The following LMX1B variants were observed in gnomAD, a reference collection of about 807,000 sequenced individuals.
The protein encoded by LMX1B is LIM homeobox transcription factor 1 beta.
LMX1B carries 12 observed loss-of-function variants against 51.4 expected under a neutral mutation model. That is an observed-to-expected ratio of 0.23 (90% CI 0.15 to 0.38). LMX1B has a LOEUF of 0.38. Among genes scored for constraint, LMX1B ranks in the 10% least tolerant of loss-of-function variants. The pLI is 1.00. For synonymous variants in LMX1B, 237 were observed against 235.4 expected (o/e 1.01, Z -0.06); for missense variants, 445 against 571.1 (o/e 0.78, Z 2.25).
Position 126,658,091 on chromosome 9 carries a change from T to G in LMX1B, c.327-32745T>G. On this transcript the variant is annotated intron_variant, in intron 2 of 7. Coordinates refer to ENST00000373474, the MANE Select transcript of LMX1B (RefSeq NM_001174147.2). This position sits in a 1 kb window ranked among gnomAD's most constrained non-coding sequence, Gnocchi z 4.0. ...TAGAAGAGGGGCCAAGGGACCTGAG[T>G]GGGAACAACCAAGCCGGAGACTCCT... Among the ~76,000 whole-genome samples the G allele has an allele frequency of 1.3e-5, 2 of 150,514 alleles. No individual in the cohort carries two copies. Among genetic ancestry groups the G allele is most frequent in the Non-Finnish European group, 3.0e-5 (2 of 67,650 alleles).
intron 2 of LMX1B, among the ~76,000 whole-genome samples, chr9:126,652,299 G>A (rs534550900): frequency 2.0e-5 from 3 of 150,718 alleles, no homozygotes; most frequent in East Asian, 2.0e-4. Context: ...GAGGAGAAGG[G>A]GGGGGGGATT....
intron 2 of LMX1B, among the ~76,000 whole-genome samples, chr9:126,636,594 A>G (rs1410504185): frequency 6.6e-6 from 1 of 151,920 alleles, no homozygotes; most frequent in African/African-American, 2.4e-5. Context: ...GGGCCAGAAA[A>G]GAGAGTGGAT....
At chr9:126,643,949 G>T (rs1835853593) in intron 2 of LMX1B, among the ~76,000 whole-genome samples, 1 of 152,228 alleles carries the variant, frequency 6.6e-6, no homozygotes. Context: ...TCGGGGTCAA[G>T]TGACTTGCCA....
rs929439946 is a variant in LMX1B, at chr9:126,625,735, C to A, written c.326+10166C>A. Reference sequence around the variant, plus strand: ...GCCGCCGCCGCCACCCTCGTCCCACCGTTTGCAGGGCTTTCCTGCGGCGCT... The same window carrying A: ...GCCGCCGCCGCCACCCTCGTCCCACAGTTTGCAGGGCTTTCCTGCGGCGCT... On this transcript the variant is annotated intron_variant, in intron 2 of 7. Coordinates refer to ENST00000373474, the MANE Select transcript of LMX1B (RefSeq NM_001174147.2). This position sits in a 1 kb window ranked among gnomAD's most constrained non-coding sequence, Gnocchi z 5.3. Among the ~76,000 whole-genome samples the A allele has an allele frequency of 2.6e-5, 4 of 152,230 alleles. No homozygotes were observed. Among genetic ancestry groups the A allele is most frequent in the African/African-American group, 9.6e-5 (4 of 41,468 alleles).
intron 2 of LMX1B, among the ~76,000 whole-genome samples, chr9:126,667,372 C>A (rs753733810): frequency 7.9e-5 from 12 of 152,250 alleles, no homozygotes; most frequent in Non-Finnish European, 1.0e-4. Context: ...ACCCATTTCC[C>A]TACTGACAGC....
chr9:126,678,728 A>G (rs1185673941), intron 2 of LMX1B, among the ~76,000 whole-genome samples: 3 of 152,232 alleles, frequency 2.0e-5, no homozygotes, highest in Non-Finnish European at 2.9e-5. Flanking sequence ...GCAGGATCCA[A>G]TACAGGCAAA....
rs942164729 is a variant in LMX1B at position 126,677,001 on chromosome 9, G to A, written c.327-13835G>A. Among the ~76,000 whole-genome samples the A allele has an allele frequency of 3.9e-5, 6 of 152,228 alleles. No individual in the cohort carries two copies. Among genetic ancestry groups the A allele is most frequent in the East Asian group, 1.9e-4 (1 of 5,200 alleles). ...AGGCCATTACTATGCTAATGCGGCC[G>A]GGCGGGCGGTGATTAAGCGGCTCAG... On this transcript the variant is annotated intron_variant, in intron 2 of 7. Transcript: ENST00000373474. This position sits in a 1 kb window ranked among gnomAD's most constrained non-coding sequence, Gnocchi z 5.0.
Position 126,696,381 on chromosome 9 carries a change from C to T in LMX1B, c.1139C>T (p.Ser380Phe). 6.2e-7 allele frequency: 1 copy of T among 1,614,108 alleles called. No individual in the cohort carries two copies. Among genetic ancestry groups the T allele is most frequent in the Non-Finnish European group, 8.5e-7 (1 of 1,179,980 alleles). Residue 380 changes from serine to phenylalanine, a missense_variant, in exon 8 of 8, where the codon TCC becomes TTC. This residue lies in a region of LMX1B where 162 missense variants were observed against 187.8 expected (regional missense o/e 0.86). Coordinates refer to ENST00000373474, the MANE Select transcript of LMX1B (RefSeq NM_001174147.2). The stretch of plus-strand genomic sequence containing the variant: ...TTCCTCGGCTCCTCAGACGTGGGCT[C>T]CCTGCAGGCCCGCGTGGGGAACCCC... ...DCFLGSSDVG[S>F]LQARVGNPID...
Position 126,696,330 on chromosome 9 carries a change from C to T in LMX1B, c.1088C>T (p.Thr363Ile). 5 of 1,614,114 alleles carry T rather than the reference C, an allele frequency of 3.1e-6. No individual in the cohort carries two copies. The highest frequency in any genetic ancestry group is 1.1e-5 in the South Asian group (1 of 91,088). The change falls in exon 8 of 8, where the codon ACC becomes ATC. Residue 363 changes from threonine (T) to isoleucine (I), a missense_variant. Coordinates refer to ENST00000373474, the MANE Select transcript of LMX1B (RefSeq NM_001174147.2). ...DSIFHDIDSD[T>I]SLTSLSDCFL... The stretch of plus-strand genomic sequence containing the variant: ...ATCTTCCATGACATCGACAGCGATA[C>T]CTCCTTAACCAGCCTCAGCGACTGC...
In LMX1B at chr9:126,625,393, G is replaced by T. The variant is rs967191161; in HGVS notation, c.326+9824G>T. Among the ~76,000 whole-genome samples, 3 of 152,208 alleles carry T rather than the reference G, an allele frequency of 2.0e-5. No individual in the cohort carries two copies. Among genetic ancestry groups the T allele is most frequent in the Non-Finnish European group, 4.4e-5 (3 of 68,032 alleles). The stretch of plus-strand genomic sequence containing the variant: ...TGGGATGTGTTTGCCTCCTCTGACC[G>T]AGAGCACGGGTCCTGCTCTGTCCCC... On this transcript the variant is annotated intron_variant, in intron 2 of 7. Transcript: ENST00000373474. This position sits in a 1 kb window ranked among gnomAD's most constrained non-coding sequence, Gnocchi z 5.3.
chr9:126,614,333 C>G lies in LMX1B; in HGVS notation c.-117C>G, dbSNP rs1233921434. 5.9e-6 allele frequency: 4 copies of G among 680,778 alleles called. No homozygotes were observed. Among genetic ancestry groups the G allele is most frequent in the African/African-American group, 2.0e-5 (1 of 50,718 alleles). 42.2% of individuals were successfully genotyped at this position (680,778 alleles called of 1,614,324 possible). On this transcript the variant is annotated 5_prime_UTR_variant, in exon 1 of 8. Coordinates refer to ENST00000373474, the MANE Select transcript of LMX1B (RefSeq NM_001174147.2). ...CACGATCGCCGGGGGCCGGCGCAAC[C>G]CCTGCCCTGCGGGGGCCGCGCCTCC...
chr9:126,627,324 C>G (rs1835553850), intron 2 of LMX1B, among the ~76,000 whole-genome samples: 1 of 152,138 alleles, frequency 6.6e-6, no homozygotes, highest in Non-Finnish European at 1.5e-5. Context: ...TGCCCTCAGC[C>G]TGCTTGCTTC....
chr9:126,693,793 C>A lies in LMX1B; in HGVS notation c.867C>A (p.Asn289Lys). The stretch of plus-strand genomic sequence containing the variant: ...ACCAGCAGCAGCAGGAGCAGCAGAA[C>A]TCCCAGCGGCTGGGCCAGGGTGAGC... ...RRHQQQQEQQNSQRLGQEVLS... is the reference protein window; with the variant it reads ...RRHQQQQEQQKSQRLGQEVLS... The change falls in exon 6 of 8, where the codon AAC (asparagine) becomes AAA (lysine). Residue 289 changes from asparagine to lysine, a missense_variant. Around this residue, in one of 3 missense-constraint regions of LMX1B, gnomAD observed 162 missense variants for 187.8 expected, o/e 0.86. Transcript: ENST00000373474. 2 of 1,409,856 alleles carry A rather than the reference C, an allele frequency of 1.4e-6. No individual in the cohort carries two copies. The highest frequency in any genetic ancestry group is 1.9e-6 in the Non-Finnish European group (2 of 1,027,196). The allele number at this position is 1,409,856 out of a possible 1,614,324, so 87.3% of individuals were successfully genotyped here. A position where few individuals can be genotyped will look rare whatever the true frequency, so the allele number is the denominator to read the frequency against.
rs932609015 is a variant in LMX1B at position 126,700,550 on chromosome 9, G to A, written c.*4099G>A. On this transcript the variant is annotated 3_prime_UTR_variant, in exon 8 of 8. Coordinates refer to ENST00000373474, the MANE Select transcript of LMX1B (RefSeq NM_001174147.2). ...CAGCTCTGGGGCTAAGTCTGCCCTG[G>A]GGGGAAAGGGCTCCACGCTCACACG... 6.6e-6 allele frequency: 1 copy of A among 152,506 alleles called. No homozygotes were observed. The highest frequency in any genetic ancestry group is 1.5e-5 in the Non-Finnish European group (1 of 68,294). The allele number at this position is 152,506 out of a possible 1,614,324, so 9.4% of individuals were successfully genotyped here.
intron 2 of LMX1B, among the ~76,000 whole-genome samples, chr9:126,624,666 GTT>G (rs67202253): frequency 6.5e-4 from 95 of 146,310 alleles, no homozygotes; most frequent in African/African-American, 8.3e-4. Context: ...TTTTTATCTT[GTT>G]TTTTTTTTTT....
intron 2 of LMX1B, among the ~76,000 whole-genome samples, chr9:126,638,476 G>T (rs1835753779): frequency 6.6e-6 from 1 of 152,210 alleles, no homozygotes; most frequent in African/African-American, 2.4e-5. Flanking sequence ...GACCCCACCC[G>T]GCCCCCCACG....
At chr9:126,663,373 G>A (rs760802487) in intron 2 of LMX1B, among the ~76,000 whole-genome samples, 10 of 149,212 alleles carry the variant, frequency 6.7e-5, no homozygotes, top group Non-Finnish European at 1.2e-4. Flanking sequence ...GCAGTGAGCC[G>A]AGAACACACC....
chr9:126,695,738 G>A lies in LMX1B; in HGVS notation c.887-101G>A, dbSNP rs989087835. The A allele has an allele frequency of 2.9e-5, 39 of 1,348,726 alleles. No individual in the cohort carries two copies. Among genetic ancestry groups the A allele is most frequent in the Admixed American group, 5.4e-5 (3 of 55,622 alleles). The allele number at this position is 1,348,726 out of a possible 1,614,324, so 83.5% of individuals were successfully genotyped here. A position where few individuals can be genotyped will look rare whatever the true frequency, so the allele number is the denominator to read the frequency against. On this transcript the variant is annotated intron_variant, in intron 6 of 7. Coordinates refer to ENST00000373474, the MANE Select transcript of LMX1B (RefSeq NM_001174147.2). The surrounding 1 kb of genome is among the most constrained non-coding windows in gnomAD (Gnocchi z 5.2). Reference sequence around the variant, plus strand: ...GTCTGGACAGCTTCAGCCAGAGTGGGGTGCCTGGGGAGTCCCAAGGAGATC... The same window carrying A: ...GTCTGGACAGCTTCAGCCAGAGTGGAGTGCCTGGGGAGTCCCAAGGAGATC...
At chr9:126,640,082 T>C (rs1835781043) in intron 2 of LMX1B, among the ~76,000 whole-genome samples, 1 of 152,196 alleles carries the variant, frequency 6.6e-6, no homozygotes, top group African/African-American at 2.4e-5. Flanking sequence ...GCCCAATGTA[T>C]AGAAAGAAGA....
Sources: allele counts gnomAD v4.1 joint callset (sites outside exome capture counted in the v4.1 genomes callset), GRCh38; gene constraint gnomAD v4.1.1; regional missense constraint gnomAD v4.1.1; non-coding constraint Gnocchi (gnomAD v3.1); transcripts MANE v1.5; gene names NCBI Gene and HGNC (gene_info 2026-07-23, HGNC 2026-07-21).